The following CEP41 variants were observed in gnomAD, a reference collection of about 807,000 sequenced individuals.
CEP41 encodes the protein centrosomal protein of 41 kDa.
A neutral mutation model predicts 44.3 loss-of-function variants in CEP41; 32 were observed. That is an observed-to-expected ratio of 0.72 (90% CI 0.54 to 0.97). The LOEUF is 0.97. Ranked by LOEUF, CEP41 falls within the 50% of genes least tolerant of loss-of-function variation. CEP41 has a pLI of 0.00. For synonymous variants in CEP41, 151 were observed against 168.5 expected, an observed-to-expected ratio of 0.90 and a Z score of 0.80; for missense variants, 432 against 455.2, an observed-to-expected ratio of 0.95 and a Z score of 0.46.
At chr7:130,421,260 C>T (rs1459001049) in intron 2 of CEP41, 2 of 985,266 alleles carry the variant, frequency 2.0e-6, no homozygotes, top group African/African-American at 3.5e-5. Context: ...TGATTTTGTG[C>T]AGCAGTAATC....
chr7:130,398,817 T>G lies in CEP41; in HGVS notation c.*74A>C. The G allele has an allele frequency of 6.4e-7, 1 of 1,560,680 alleles. No individual in the cohort carries two copies. The highest frequency in any genetic ancestry group is 8.8e-7 in the Non-Finnish European group (1 of 1,132,718). On this transcript the variant is annotated 3_prime_UTR_variant, in exon 11 of 11. Coordinates refer to ENST00000223208, the MANE Select transcript of CEP41 (RefSeq NM_018718.3). ...TTTCCTCTGCAGAAGTTTCTGGAAA[T>G]GACCCAACTTGGGAAATGCTCAGGG...
intron 5 of CEP41, among the ~76,000 whole-genome samples, chr7:130,407,569 C>T (rs1209011389): frequency 1.3e-5 from 2 of 152,098 alleles, no homozygotes; most frequent in African/African-American, 4.8e-5. Flanking sequence ...AAAGTCAATA[C>T]ATCCATATCA....
At chr7:130,440,627 G>GT (rs1416160700) in intron 1 of CEP41, 3 of 564,006 alleles carry the variant, frequency 5.3e-6, no homozygotes, top group Non-Finnish European at 9.6e-6. Context: ...TTTCTGTTTT[G>GT]TAACTGTCAC....
chr7:130,400,891 G>C, intron 8 of CEP41, 70 bp from the exon 9 acceptor site: 1 of 1,004,886 alleles, frequency 1.0e-6, no homozygotes, highest in Non-Finnish European at 1.5e-6. Flanking sequence ...AACCCCCAAG[G>C]AATAAAAGGT....
chr7:130,420,003 T>C, intron 2 of CEP41: 1 of 985,334 alleles, frequency 1.0e-6, no homozygotes, highest in Non-Finnish European at 1.2e-6. Context: ...TTCCATTGTC[T>C]AGCATAGGAG....
intron 2 of CEP41, chr7:130,421,890 A>G: frequency 6.6e-7 from 1 of 1,523,338 alleles, no homozygotes; most frequent in Non-Finnish European, 8.8e-7. Context: ...GCTTGAGAAT[A>G]TACAAGAACC....
rs1796794976 is a variant in CEP41 at position 130,400,062 on chromosome 7, T to C, written c.950A>G (p.Glu317Gly). 1 of 1,610,418 alleles carries C rather than the reference T, an allele frequency of 6.2e-7. No homozygotes were observed. Among genetic ancestry groups the C allele is most frequent in the African/African-American group, 1.3e-5 (1 of 74,842 alleles). ...ACTAGGATGATCTGCAGGCCCTTGC[T>C]CCTCTTCCAGATAATATTCTATCTT... Reference protein sequence around the residue: ...LKKIEYYLEEEQGPADHPSRL... With the variant: ...LKKIEYYLEEGQGPADHPSRL... Residue 317 changes from glutamate (E) to glycine (G), a missense_variant, in exon 10 of 11, where the codon GAG becomes GGG. Transcript: ENST00000223208.
In CEP41 at chr7:130,396,893, T is replaced by C. The variant is rs1554414826; in HGVS notation, c.*1998A>G. Reference sequence around the variant, plus strand: ...TACAGTGGTTTCTAATACTCCAAAGTTGTCTGACGATGGGAACGCAGAATC... The same window carrying C: ...TACAGTGGTTTCTAATACTCCAAAGCTGTCTGACGATGGGAACGCAGAATC... On this transcript the variant is annotated 3_prime_UTR_variant, in exon 11 of 11. Transcript: ENST00000223208. 1 of 447,448 alleles carries C rather than the reference T, an allele frequency of 2.2e-6. No homozygotes were observed. The highest frequency in any genetic ancestry group is 2.0e-5 in the African/African-American group (1 of 49,562). 27.7% of individuals were successfully genotyped at this position (447,448 alleles called of 1,614,324 possible). A position where few individuals can be genotyped will look rare whatever the true frequency, so the allele number is the denominator to read the frequency against.
chr7:130,405,183 C>G (rs1796973085), intron 5 of CEP41, among the ~76,000 whole-genome samples: 1 of 152,096 alleles, frequency 6.6e-6, no homozygotes. Context: ...TTTTAATGTT[C>G]TGTGTGATGA....
rs574982700 is a variant in CEP41 at position 130,397,835 on chromosome 7, T to G, written c.*1056A>C. 668 of 447,386 alleles carry G rather than the reference T, an allele frequency of 1.5e-3. 3 individuals carry two copies. The highest frequency in any genetic ancestry group is 1.6e-3 in the Non-Finnish European group (358 of 221,136). The allele number at this position is 447,386 out of a possible 1,614,324, so 27.7% of individuals were successfully genotyped here. A position where few individuals can be genotyped will look rare whatever the true frequency, so the allele number is the denominator to read the frequency against. On this transcript the variant is annotated 3_prime_UTR_variant, in exon 11 of 11. Coordinates refer to ENST00000223208, the MANE Select transcript of CEP41 (RefSeq NM_018718.3). ...CAAAATTCCGGCCAAAACCAGAATC[T>G]ATAATCACAACTTCCTAATCACAGT...
At chr7:130,415,861 ATATACT>A (rs554714708) in intron 3 of CEP41, among the ~76,000 whole-genome samples, 118 of 152,350 alleles carry the variant, frequency 7.7e-4, no homozygotes, top group African/African-American at 2.7e-3. Context: ...TTTAAAATAC[ATATACT>A]TATGTAATAT....
Position 130,431,492 on chromosome 7 carries a change from C to T in CEP41, c.34-3474G>A, listed in dbSNP as rs1046135196. 3.2e-4 allele frequency among the ~76,000 whole-genome samples: 49 copies of T among 152,082 alleles called. 2 individuals carry two copies. The highest frequency in any genetic ancestry group is 6.6e-5 in the Admixed American group (1 of 15,238). ...GAAGACAGACAAGTGGATAAACAGA[C>T]GCCAGGCTGCATGAGGAACAAGGAA... On this transcript the variant is annotated intron_variant, in intron 1 of 10. Coordinates refer to ENST00000223208, the MANE Select transcript of CEP41 (RefSeq NM_018718.3).
At chr7:130,430,477 G>C (rs1797791957) in intron 1 of CEP41, among the ~76,000 whole-genome samples, 1 of 152,146 alleles carries the variant, frequency 6.6e-6, no homozygotes, top group Non-Finnish European at 1.5e-5. Flanking sequence ...TTCTCCAAAT[G>C]ATCAGTAACT....
intron 3 of CEP41, among the ~76,000 whole-genome samples, chr7:130,416,204 T>C (rs1797330731): frequency 6.6e-6 from 1 of 152,226 alleles, no homozygotes; most frequent in Admixed American, 6.5e-5. Flanking sequence ...TAACTAAATA[T>C]CCCCTAGCAC....
chr7:130,439,161 T>A (rs1798064213), intron 1 of CEP41, among the ~76,000 whole-genome samples: 1 of 152,230 alleles, frequency 6.6e-6, no homozygotes, highest in South Asian at 2.1e-4. Context: ...AAGATGTTTA[T>A]GATGATACAC....
chr7:130,425,003 A>C (rs1318331270), intron 2 of CEP41, among the ~76,000 whole-genome samples: 1 of 152,264 alleles, frequency 6.6e-6, no homozygotes, highest in Admixed American at 6.5e-5. Context: ...AAAATTCAAC[A>C]GTAAAAAAGC....
chr7:130,407,276 AC>A (rs1554418406), intron 5 of CEP41, among the ~76,000 whole-genome samples: 15 of 151,706 alleles, frequency 9.9e-5, no homozygotes, highest in African/African-American at 3.6e-4. Flanking sequence ...ACACACACAC[AC>A]ACACACACAC....
chr7:130,394,446 C>T lies in CEP41; in HGVS notation c.*4445G>A, dbSNP rs1213706715. The T allele has an allele frequency of 1.8e-5, 8 of 453,934 alleles. No homozygotes were observed. Among genetic ancestry groups the T allele is most frequent in the Admixed American group, 1.4e-4 (6 of 42,558 alleles). 28.1% of individuals were successfully genotyped at this position (453,934 alleles called of 1,614,324 possible). ...AGTATTATTATTTTCTGGAAATCTT[C>T]AAGATTTGAAACAAAAGAGAAAACC... is the stretch of plus-strand genomic sequence containing the variant. On this transcript the variant is annotated 3_prime_UTR_variant, in exon 11 of 11. Transcript: ENST00000223208.
chr7:130,400,694 T>G lies in CEP41; in HGVS notation c.757+13A>C. The G allele has an allele frequency of 2.6e-6, 4 of 1,541,658 alleles. No individual in the cohort carries two copies. Among genetic ancestry groups the G allele is most frequent in the South Asian group, 1.1e-5 (1 of 88,064 alleles). On this transcript the variant is annotated intron_variant, in intron 9 of 10. Coordinates refer to ENST00000223208, the MANE Select transcript of CEP41 (RefSeq NM_018718.3). ...AGCCTTTGAAGTCCCAAGCAGAGTA[T>G]CACCTTGCTCACCTCCGGAAAGCAT...
Sources: allele counts gnomAD v4.1 joint callset (sites outside exome capture counted in the v4.1 genomes callset), GRCh38; gene constraint gnomAD v4.1.1; transcripts MANE v1.5; gene names NCBI Gene and HGNC (gene_info 2026-07-23, HGNC 2026-07-21).